Variants in SUCLG2 observed in about 807,000 individuals in gnomAD.
SUCLG2 encodes the protein succinate-CoA ligase GDP-forming subunit beta.
A neutral mutation model predicts 47.9 loss-of-function variants in SUCLG2; 42 were observed. The observed-to-expected ratio is 0.88, with a 90% CI of 0.69 to 1.14. SUCLG2 has a LOEUF of 1.14. Among genes scored for constraint, SUCLG2 ranks in the 50% most tolerant of loss-of-function variants. The pLI, the probability that SUCLG2 is intolerant of heterozygous loss-of-function variation, is 0.00. For synonymous variants in SUCLG2, 195 were observed against 197.3 expected (o/e 0.99, Z 0.10); for missense variants, 571 against 525.9 (o/e 1.09, Z -0.84).
intron 2 of SUCLG2, among the ~76,000 whole-genome samples, chr3:67,543,670 CAAAT>C (rs1260100497): frequency 1.3e-5 from 2 of 152,040 alleles, no homozygotes; most frequent in African/African-American, 4.8e-5. Context: ...GTCTCAAAAA[CAAAT>C]AAATAAATGA....
chr3:67,432,884 C>T (rs1349017886), intron 9 of SUCLG2, among the ~76,000 whole-genome samples: 1 of 152,172 alleles, frequency 6.6e-6, no homozygotes, highest in Non-Finnish European at 1.5e-5. Context: ...AAGGTCCTTC[C>T]GTAACACCAC....
intron 1 of SUCLG2, among the ~76,000 whole-genome samples, chr3:67,625,194 A>G (rs1301575203): frequency 2.0e-5 from 3 of 152,236 alleles, no homozygotes; most frequent in African/African-American, 7.2e-5. Flanking sequence ...TAATGTCAAG[A>G]TGACAGTTCT....
intron 2 of SUCLG2, among the ~76,000 whole-genome samples, chr3:67,586,515 A>T (rs993407934): frequency 1.5e-4 from 23 of 152,340 alleles, no homozygotes; most frequent in Non-Finnish European, 2.8e-4. Flanking sequence ...GTCCTTAGGC[A>T]GTCAATTAAT....
At chr3:67,483,827 C>A (rs1027576275) in intron 9 of SUCLG2, among the ~76,000 whole-genome samples, 1 of 152,150 alleles carries the variant, frequency 6.6e-6, no homozygotes, top group African/African-American at 2.4e-5. Context: ...CTACTCAAGT[C>A]ATTCTTGCTG....
chr3:67,386,605 G>A (rs1702266637), intron 10 of SUCLG2, among the ~76,000 whole-genome samples: 1 of 152,204 alleles, frequency 6.6e-6, no homozygotes, highest in African/African-American at 2.4e-5. Flanking sequence ...AGGCAAGAAA[G>A]GGCATGTGTA....
intron 10 of SUCLG2, among the ~76,000 whole-genome samples, chr3:67,383,759 A>G (rs1205958531): frequency 2.0e-5 from 3 of 152,206 alleles, no homozygotes; most frequent in Non-Finnish European, 2.9e-5. Flanking sequence ...AACCCTTGAA[A>G]AAAAGCAACA....
downstream of SUCLG2, among the ~76,000 whole-genome samples, chr3:67,371,436 T>C (rs1701951611): frequency 6.6e-6 from 1 of 152,198 alleles, no homozygotes; most frequent in Admixed American, 6.5e-5. Context: ...CTCCAGCCTT[T>C]ATCTCTTCTG....
intron 2 of SUCLG2, among the ~76,000 whole-genome samples, chr3:67,565,225 T>C (rs1383060007): frequency 6.6e-6 from 1 of 152,204 alleles, no homozygotes; most frequent in Non-Finnish European, 1.5e-5. Flanking sequence ...GAAAGGTCAT[T>C]CCACACAAAT....
intron 1 of SUCLG2, among the ~76,000 whole-genome samples, chr3:67,632,735 G>C (rs576064709): frequency 6.6e-6 from 1 of 152,252 alleles, no homozygotes; most frequent in South Asian, 2.1e-4. Flanking sequence ...ATTGCAGATG[G>C]AAAACGGAGG....
chr3:67,414,910 C>T (rs1390721784), intron 9 of SUCLG2, among the ~76,000 whole-genome samples: 1 of 152,162 alleles, frequency 6.6e-6, no homozygotes, highest in African/African-American at 2.4e-5. Flanking sequence ...GGCTGGAGTG[C>T]AATGTCGCAA....
chr3:67,617,915 A>G (rs1195310539), intron 1 of SUCLG2, among the ~76,000 whole-genome samples: 1 of 152,248 alleles, frequency 6.6e-6, no homozygotes, highest in Admixed American at 6.5e-5. Flanking sequence ...CCTGGCAATC[A>G]TTAAGATAAA....
At chr3:67,512,097 C>T (rs1331538545) in intron 6 of SUCLG2, among the ~76,000 whole-genome samples, 1 of 151,170 alleles carries the variant, frequency 6.6e-6, no homozygotes, top group East Asian at 1.9e-4. Flanking sequence ...CTCAAGCAAT[C>T]CTCTTGTCTC....
intron 2 of SUCLG2, among the ~76,000 whole-genome samples, chr3:67,534,153 T>G (rs1706475180): frequency 6.6e-6 from 1 of 152,122 alleles, no homozygotes; most frequent in Non-Finnish European, 1.5e-5. Flanking sequence ...CAGGGAGATA[T>G]TATTTCAAAT....
intron 4 of SUCLG2, among the ~76,000 whole-genome samples, chr3:67,523,741 G>A (rs909689304): frequency 2.6e-5 from 4 of 152,162 alleles, no homozygotes; most frequent in African/African-American, 9.7e-5. Flanking sequence ...ACAAAATGAG[G>A]AGTGTGTTTG....
chr3:67,509,144 G>T (rs571185407), intron 6 of SUCLG2, among the ~76,000 whole-genome samples: 2 of 152,102 alleles, frequency 1.3e-5, no homozygotes, highest in Non-Finnish European at 2.9e-5. Flanking sequence ...TTTTCAGTAC[G>T]GCCTAAAACG....
intron 4 of SUCLG2, among the ~76,000 whole-genome samples, chr3:67,527,075 C>T (rs1414117553): frequency 6.6e-6 from 1 of 152,172 alleles, no homozygotes; most frequent in African/African-American, 2.4e-5. Flanking sequence ...TAAATATATA[C>T]ACCTACTATG....
intron 2 of SUCLG2, among the ~76,000 whole-genome samples, chr3:67,535,402 G>C (rs1200206776): frequency 1.3e-5 from 2 of 152,024 alleles, no homozygotes; most frequent in Admixed American, 6.6e-5. Context: ...GGATGGCAAA[G>C]GAGGAGCTGG....
At chr3:67,372,835 A>T (rs531125062), downstream of SUCLG2, among the ~76,000 whole-genome samples, 10 of 152,108 alleles carry the variant, frequency 6.6e-5, no homozygotes, top group African/African-American at 1.9e-4. Context: ...TTTTTTATTT[A>T]TCTAGAGCTG....
chr3:67,435,976 T>C (rs911039614), intron 9 of SUCLG2, among the ~76,000 whole-genome samples: 26 of 152,320 alleles, frequency 1.7e-4, no homozygotes, highest in African/African-American at 6.0e-4. Context: ...AAATTGTATT[T>C]GCTATCCGAA....
Sources: allele counts gnomAD v4.1 joint callset (sites outside exome capture counted in the v4.1 genomes callset), GRCh38; gene constraint gnomAD v4.1.1; transcripts MANE v1.5; gene names NCBI Gene and HGNC (gene_info 2026-07-23, HGNC 2026-07-21).